The following P4HA1 variants were observed in gnomAD, a reference collection of about 807,000 sequenced individuals.
P4HA1 encodes prolyl 4-hydroxylase subunit alpha 1.
A neutral mutation model predicts 72.8 loss-of-function variants in P4HA1; 24 were observed. The observed-to-expected ratio is 0.33, with a 90% CI of 0.24 to 0.46. P4HA1 has a LOEUF of 0.46. Ranked by LOEUF, P4HA1 falls within the 20% of genes least tolerant of loss-of-function variation. The probability of loss-of-function intolerance (pLI) is 1.00; values close to 1 mark genes in which losing one functional copy is unlikely to be tolerated. For synonymous variants in P4HA1, 201 were observed against 218.8 expected (o/e 0.92, Z 0.72); for missense variants, 446 against 640.6 (o/e 0.70, Z 3.28).
intron 9 of P4HA1, among the ~76,000 whole-genome samples, chr10:73,035,777 C>T (rs1840555069): frequency 6.6e-6 from 1 of 152,210 alleles, no homozygotes; most frequent in South Asian, 2.1e-4. Context: ...TTTACACCTA[C>T]CCATTTCATA....
At chr10:73,053,839 T>A (rs1453421470) in intron 5 of P4HA1, among the ~76,000 whole-genome samples, 1 of 151,866 alleles carries the variant, frequency 6.6e-6, no homozygotes, top group Non-Finnish European at 1.5e-5. Flanking sequence ...TTATCAGCCA[T>A]CATACCAAAA....
At chr10:73,076,331 T>C (rs1255254493) in intron 1 of P4HA1, among the ~76,000 whole-genome samples, 1 of 151,498 alleles carries the variant, frequency 6.6e-6, no homozygotes, top group Admixed American at 6.6e-5. Flanking sequence ...CCTGAGTAGC[T>C]GGAAATACAG....
chr10:73,095,586 T>C (rs1308184813), intron 1 of P4HA1, among the ~76,000 whole-genome samples: 4 of 148,624 alleles, frequency 2.7e-5, no homozygotes, highest in Non-Finnish European at 5.9e-5. Flanking sequence ...TCTTTGCCCC[T>C]CCCCCCTTCA....
intron 4 of P4HA1, among the ~76,000 whole-genome samples, chr10:73,071,769 G>T (rs1187497906): frequency 6.6e-6 from 1 of 150,594 alleles, no homozygotes; most frequent in Non-Finnish European, 1.5e-5. Flanking sequence ...ATTACCCTCA[G>T]AAATGAAGCT....
chr10:73,025,552 C>G (rs919705530), intron 10 of P4HA1, among the ~76,000 whole-genome samples: 2 of 152,018 alleles, frequency 1.3e-5, no homozygotes, highest in Non-Finnish European at 2.9e-5. Flanking sequence ...AAATCCGGCA[C>G]AAGACAAGGA....
chr10:73,054,696 C>A (rs1340089904), intron 5 of P4HA1, among the ~76,000 whole-genome samples: 1 of 152,200 alleles, frequency 6.6e-6, no homozygotes, highest in Non-Finnish European at 1.5e-5. Context: ...AAAGTGGCTA[C>A]ATCATTTTAC....
At chr10:73,062,968 T>C (rs1370947588) in intron 5 of P4HA1, among the ~76,000 whole-genome samples, 2 of 146,632 alleles carry the variant, frequency 1.4e-5, no homozygotes, top group Non-Finnish European at 3.0e-5. Flanking sequence ...ATCATCTCCA[T>C]TCACTTTTTT....
In P4HA1 at chr10:73,014,081, A is replaced by T. The variant is rs79748043; in HGVS notation, c.1368+143T>A. On this transcript the variant is annotated intron_variant, in intron 12 of 14. Transcript: ENST00000394890. ...TAGCCTGAAAAAGTTGCAAGTGCAAAATAATTCTTAACTCACTTTATTCAG... is the reference window on the plus strand; with the variant it reads ...TAGCCTGAAAAAGTTGCAAGTGCAATATAATTCTTAACTCACTTTATTCAG... The T allele has an allele frequency of 0.017, 10,811 of 620,888 alleles. 882 individuals are homozygous for T. The African/African-American group carries it at 0.17, about 10-fold the overall frequency. 38.5% of individuals were successfully genotyped at this position (620,888 alleles called of 1,614,324 possible).
At chr10:73,019,707 C>T (rs186140153) in intron 10 of P4HA1, among the ~76,000 whole-genome samples, 21 of 108,896 alleles carry the variant, frequency 1.9e-4, no homozygotes, top group South Asian at 3.3e-4. Flanking sequence ...TCCAGCGTGG[C>T]GACAGAGCGA....
At chr10:73,025,480 T>C (rs992490913) in intron 10 of P4HA1, among the ~76,000 whole-genome samples, 1 of 152,106 alleles carries the variant, frequency 6.6e-6, no homozygotes, top group African/African-American at 2.4e-5. Flanking sequence ...TAATAAGAGC[T>C]ATTTATGACA....
Position 73,053,562 on chromosome 10 carries a change from A to C in P4HA1, c.492T>G (p.Ala164=), listed in dbSNP as rs201725053. Residue 164 remains alanine, a synonymous_variant, in exon 6 of 15, where the codon GCT becomes GCG. Transcript: ENST00000394890. ...PGVKHKSFLT[A]EDCFELGKVA... Reference sequence around the variant, plus strand: ...CTTTGCCCAACTCAAAGCAGTCCTCAGCCGTTAGAAAAGATTTGTGTTTCA... The same window carrying C: ...CTTTGCCCAACTCAAAGCAGTCCTCCGCCGTTAGAAAAGATTTGTGTTTCA... 3 of 1,613,960 alleles carry C rather than the reference A, an allele frequency of 1.9e-6. No individual in the cohort carries two copies. In the South Asian group the frequency reaches 3.3e-5, roughly 18 times the overall value.
chr10:73,035,738 C>G (rs1263251320), intron 9 of P4HA1, among the ~76,000 whole-genome samples: 2 of 152,186 alleles, frequency 1.3e-5, no homozygotes, highest in African/African-American at 4.8e-5. Context: ...TGATAAATGT[C>G]AAATTTCCCT....
At chr10:73,058,232 A>T (rs1454532009) in intron 5 of P4HA1, among the ~76,000 whole-genome samples, 1 of 151,574 alleles carries the variant, frequency 6.6e-6, no homozygotes, top group African/African-American at 2.4e-5. Context: ...AAGAAATGGG[A>T]TGAAAAAAGT....
At chr10:73,069,277 A>G (rs1037438174) in intron 4 of P4HA1, among the ~76,000 whole-genome samples, 3 of 152,202 alleles carry the variant, frequency 2.0e-5, no homozygotes, top group Non-Finnish European at 4.4e-5. Context: ...TTTTAGTTAT[A>G]TAACACAGCA....
Position 73,022,721 on chromosome 10 carries a change from C to T in P4HA1, c.1249-5822G>A, listed in dbSNP as rs1294986914. Among the ~76,000 whole-genome samples, 6 of 152,210 alleles carry T rather than the reference C, an allele frequency of 3.9e-5. No homozygotes were observed. The South Asian group carries it at 8.3e-4, about 21-fold the overall frequency. Reference sequence around the variant, plus strand: ...CCAGCTAAAGAAGCATGTTCTAAGCCATCGCAAGGAAGCTAAAACCCTTGA... The same window carrying T: ...CCAGCTAAAGAAGCATGTTCTAAGCTATCGCAAGGAAGCTAAAACCCTTGA... On this transcript the variant is annotated intron_variant, in intron 10 of 14. Coordinates refer to ENST00000394890, the MANE Select transcript of P4HA1 (RefSeq NM_001017962.3).
At chr10:73,077,037 A>G (rs1443414994) in intron 1 of P4HA1, among the ~76,000 whole-genome samples, 4 of 152,174 alleles carry the variant, frequency 2.6e-5, no homozygotes, top group African/African-American at 9.7e-5. Flanking sequence ...CCAGAACCAC[A>G]CAGTAAGGAA....
At chr10:73,077,779 G>C (rs1020710027) in intron 1 of P4HA1, among the ~76,000 whole-genome samples, 7 of 150,612 alleles carry the variant, frequency 4.6e-5, no homozygotes, top group Non-Finnish European at 7.4e-5. Flanking sequence ...TCAGGAGTTT[G>C]AGACCAGGCC....
chr10:73,022,358 G>A (rs992523310), intron 10 of P4HA1, among the ~76,000 whole-genome samples: 31 of 152,144 alleles, frequency 2.0e-4, no homozygotes, highest in African/African-American at 6.0e-4. Flanking sequence ...GGCAAACAGC[G>A]TCTGGAATGG....
chr10:73,026,026 C>G lies in P4HA1; in HGVS notation c.1248+4245G>C, dbSNP rs1840258255. On this transcript the variant is annotated intron_variant, in intron 10 of 14. Transcript: ENST00000394890. ...AATCAATATCGTGAAAATGGCCATA[C>G]TGCCCAAGGTAATTTACAGATTCAA... Among the ~76,000 whole-genome samples, 5 of 152,274 alleles carry G rather than the reference C, an allele frequency of 3.3e-5. No homozygotes were observed. The South Asian group carries it at 6.2e-4, about 19-fold the overall frequency.
Sources: gnomAD v4.1 joint callset for allele counts (sites outside exome capture counted in the v4.1 genomes callset) on GRCh38, gnomAD v4.1.1 for gene constraint, MANE v1.5 for transcripts, NCBI Gene and HGNC (gene_info 2026-07-23, HGNC 2026-07-21) for gene names.